The following FAHD2A variants were observed in gnomAD, a reference collection of about 807,000 sequenced individuals.
FAHD2A encodes fumarylacetoacetate hydrolase domain containing 2A, also known as oxaloacetate tautomerase FAHD2A, mitochondrial.
A neutral mutation model predicts 33.4 loss-of-function variants in FAHD2A; 27 were observed. That is an observed-to-expected ratio of 0.81 (90% CI 0.60 to 1.11). The LOEUF (loss-of-function observed/expected upper bound fraction) is 1.11, where lower values mean the gene tolerates loss of function less well. Ranked by LOEUF, FAHD2A falls within the 50% of genes most tolerant of loss-of-function variation. The pLI is 0.00. For missense variants in FAHD2A, 296 were observed against 395.0 expected (o/e 0.75, Z 2.12); for synonymous variants, 130 against 153.3 (o/e 0.85, Z 1.12).
Position 95,414,148 on chromosome 2 carries a change from C to T in FAHD2A, c.*1191C>T. 1 of 1,544,074 alleles carries T rather than the reference C, an allele frequency of 6.5e-7. No individual in the cohort carries two copies. Among genetic ancestry groups the T allele is most frequent in the South Asian group, 1.2e-5 (1 of 83,764 alleles). The stretch of plus-strand genomic sequence containing the variant: ...ACTGGACAGAAGACTACTCTGCAGC[C>T]CGCCTTCCTAGAGTTGGGTTGTCAC... On this transcript the variant is annotated 3_prime_UTR_variant, in exon 8 of 8. Coordinates refer to ENST00000233379, the MANE Select transcript of FAHD2A (RefSeq NM_016044.3).
At chr2:95,420,596 T>C (rs1683301266), downstream of FAHD2A, among the ~76,000 whole-genome samples, 1 of 151,378 alleles carries the variant, frequency 6.6e-6, no homozygotes, top group Admixed American at 6.6e-5. Context: ...ATAGAGGCAG[T>C]TGAGGAAATC....
chr2:95,412,925 G>T lies in FAHD2A; in HGVS notation c.913G>T (p.Glu305Ter). The T allele has an allele frequency of 6.2e-7, 1 of 1,614,220 alleles. No homozygotes were observed. Among genetic ancestry groups the T allele is most frequent in the Non-Finnish European group, 8.5e-7 (1 of 1,180,048 alleles). ...KGDEVQCEIE[E>*]LGVIINKVV ...GGATGAAGTCCAGTGTGAGATTGAA[G>T]AACTAGGTGTCATCATCAACAAGGT... Residue 305 changes from glutamate (E) to a stop codon, truncating the protein, a stop_gained, in exon 8 of 8, where the codon GAA becomes TAA. Coordinates refer to ENST00000233379, the MANE Select transcript of FAHD2A (RefSeq NM_016044.3). LOFTEE classifies it high-confidence loss of function.
At chr2:95,419,202 C>T (rs1016494789), downstream of FAHD2A, among the ~76,000 whole-genome samples, 2 of 152,016 alleles carry the variant, frequency 1.3e-5, no homozygotes, top group South Asian at 2.1e-4. Context: ...ATTTGTGGGA[C>T]TTAGTTATGG....
In FAHD2A at chr2:95,413,785, T is replaced by G. The variant is rs1682884555; in HGVS notation, c.*828T>G. On this transcript the variant is annotated 3_prime_UTR_variant, in exon 8 of 8. Transcript: ENST00000233379. ...CCAAGAGGCAGGAAACCATCCCACCTTCTCCAACCCATCACCACGTCTATT... is the reference window on the plus strand; with the variant it reads ...CCAAGAGGCAGGAAACCATCCCACCGTCTCCAACCCATCACCACGTCTATT... 2.8e-6 allele frequency: 2 copies of G among 702,196 alleles called. No homozygotes were observed. The highest frequency in any genetic ancestry group is 5.1e-5 in the East Asian group (2 of 38,888). 43.5% of individuals were successfully genotyped at this position (702,196 alleles called of 1,614,324 possible).
At chr2:95,403,284 T>C (rs1447873203) in intron 1 of FAHD2A, among the ~76,000 whole-genome samples, 3 of 152,190 alleles carry the variant, frequency 2.0e-5, no homozygotes, top group Admixed American at 6.5e-5. Flanking sequence ...TGAGTCTCAG[T>C]GTCCTCTTCT....
At position 95,413,098 on chromosome 2, in the gene FAHD2A, C is replaced by T. The variant is rs1682802011; in HGVS notation, c.*141C>T. On this transcript the variant is annotated 3_prime_UTR_variant, in exon 8 of 8. Coordinates refer to ENST00000233379, the MANE Select transcript of FAHD2A (RefSeq NM_016044.3). Reference sequence around the variant, plus strand: ...CTCGGTAGAAGGGAGAAGGACAGAGCTCTCTTCAATAAATTCGTCAGGTCA... The same window carrying T: ...CTCGGTAGAAGGGAGAAGGACAGAGTTCTCTTCAATAAATTCGTCAGGTCA... 2.4e-6 allele frequency: 3 copies of T among 1,238,618 alleles called. No individual in the cohort carries two copies. Among genetic ancestry groups the T allele is most frequent in the South Asian group, 1.5e-5 (1 of 68,646 alleles). 76.7% of individuals were successfully genotyped at this position (1,238,618 alleles called of 1,614,324 possible).
chr2:95,410,638 T>C, intron 4 of FAHD2A, 52 bp downstream of exon 4: 1 of 1,600,916 alleles, frequency 6.2e-7, no homozygotes, highest in Non-Finnish European at 8.5e-7. Flanking sequence ...AGGCCCCAGC[T>C]CCTGCCTCTC....
At chr2:95,406,075 C>G in intron 2 of FAHD2A, among the ~76,000 whole-genome samples, 1 of 150,332 alleles carries the variant, frequency 6.7e-6, no homozygotes, top group East Asian at 1.9e-4. Flanking sequence ...CTTCATCACA[C>G]TGCCTCCTCT....
rs1682780148 is a variant in FAHD2A, at chr2:95,412,945, C to T, written c.933C>T (p.Asn311=). The T allele has an allele frequency of 1.2e-6, 2 of 1,614,002 alleles. No individual in the cohort carries two copies. Among genetic ancestry groups the T allele is most frequent in the Non-Finnish European group, 1.7e-6 (2 of 1,180,022 alleles). Residue 311 remains asparagine (N), a synonymous_variant, in exon 8 of 8, where the codon AAC becomes AAT. Coordinates refer to ENST00000233379, the MANE Select transcript of FAHD2A (RefSeq NM_016044.3). ...TTGAAGAACTAGGTGTCATCATCAACAAGGTGGTGTGATGGCTCCTGCACA... is the reference window on the plus strand; with the variant it reads ...TTGAAGAACTAGGTGTCATCATCAATAAGGTGGTGTGATGGCTCCTGCACA... ...CEIEELGVII[N]KVV
At chr2:95,412,358 A>C (rs1573580347) in intron 5 of FAHD2A, 76 bp from the exon 6 acceptor site, 4 of 1,571,622 alleles carry the variant, frequency 2.5e-6, no homozygotes, top group Non-Finnish European at 3.5e-6. Context: ...AAGCACCCCT[A>C]CAGTTGTGTT....
At chr2:95,417,580 G>T (rs1415466263), downstream of FAHD2A, among the ~76,000 whole-genome samples, 1 of 152,186 alleles carries the variant, frequency 6.6e-6, no homozygotes, top group African/African-American at 2.4e-5. Context: ...CTACCTAATT[G>T]TCAAGTCAGT....
chr2:95,415,459 G>A lies in FAHD2A; in HGVS notation c.*2502G>A, dbSNP rs1683062131. Reference sequence around the variant, plus strand: ...AAAAGCAATACTTGCATTCTCATTAGTAGGAACATGTGAGATGAAGCATGT... The same window carrying A: ...AAAAGCAATACTTGCATTCTCATTAATAGGAACATGTGAGATGAAGCATGT... On this transcript the variant is annotated 3_prime_UTR_variant, in exon 8 of 8. Coordinates refer to ENST00000233379, the MANE Select transcript of FAHD2A (RefSeq NM_016044.3). The A allele has an allele frequency of 6.6e-6, 1 of 152,320 alleles. No individual in the cohort carries two copies. The highest frequency in any genetic ancestry group is 1.5e-5 in the Non-Finnish European group (1 of 68,014). 9.4% of individuals were successfully genotyped at this position (152,320 alleles called of 1,614,324 possible).
In FAHD2A at chr2:95,411,148, C is replaced by T. The variant is rs546397810; in HGVS notation, c.685+122C>T. ...TCCCTGGCCGCCCTTTCACTGCTGACTCCATACAGGGCAAGTCTCTTATCC... is the reference window on the plus strand; with the variant it reads ...TCCCTGGCCGCCCTTTCACTGCTGATTCCATACAGGGCAAGTCTCTTATCC... On this transcript the variant is annotated intron_variant, in intron 5 of 7. Transcript: ENST00000233379. 2.0e-3 allele frequency: 2,863 copies of T among 1,465,794 alleles called. 14 individuals carry two copies. Among genetic ancestry groups the T allele is most frequent in the Non-Finnish European group, 2.0e-3 (2,218 of 1,087,464 alleles). 90.8% of individuals were successfully genotyped at this position (1,465,794 alleles called of 1,614,324 possible).
intron 2 of FAHD2A, among the ~76,000 whole-genome samples, chr2:95,406,352 G>GA (rs1207815651): frequency 3.4e-5 from 5 of 147,080 alleles, no homozygotes; most frequent in Non-Finnish European, 7.5e-5. Flanking sequence ...TATTAAAATG[G>GA]AAAAAAATAC....
downstream of FAHD2A, among the ~76,000 whole-genome samples, chr2:95,419,862 G>T (rs1683290644): frequency 6.6e-6 from 1 of 151,970 alleles, no homozygotes; most frequent in Non-Finnish European, 1.5e-5. Context: ...CACATTGAGA[G>T]ACAGATTTAT....
Position 95,416,307 on chromosome 2 carries a change from G to C in FAHD2A, c.*3350G>C, listed in dbSNP as rs915957922. The C allele has an allele frequency of 1.3e-5, 2 of 152,282 alleles. No individual in the cohort carries two copies. Among genetic ancestry groups the C allele is most frequent in the African/African-American group, 4.8e-5 (2 of 41,440 alleles). The allele number at this position is 152,282 out of a possible 1,614,324, so 9.4% of individuals were successfully genotyped here. A position where few individuals can be genotyped will look rare whatever the true frequency, so the allele number is the denominator to read the frequency against. ...AATGAGTCCATATGCAGTGAGTACCGTGTTGAGGGAGGACAAGGTCACCAA... is the reference window on the plus strand; with the variant it reads ...AATGAGTCCATATGCAGTGAGTACCCTGTTGAGGGAGGACAAGGTCACCAA... On this transcript the variant is annotated 3_prime_UTR_variant, in exon 8 of 8. Coordinates refer to ENST00000233379, the MANE Select transcript of FAHD2A (RefSeq NM_016044.3).
chr2:95,418,322 G>A (rs1372424680), downstream of FAHD2A, among the ~76,000 whole-genome samples: 1 of 151,908 alleles, frequency 6.6e-6, no homozygotes, highest in Non-Finnish European at 1.5e-5. Flanking sequence ...TATTGTTTTT[G>A]AGGCTGTTTG....
downstream of FAHD2A, among the ~76,000 whole-genome samples, chr2:95,417,242 A>G (rs930453212): frequency 1.3e-5 from 2 of 152,254 alleles, no homozygotes; most frequent in Non-Finnish European, 2.9e-5. Context: ...AGTTGACCTT[A>G]ATGCTGAATC....
chr2:95,411,341 A>T (rs1682469266), intron 5 of FAHD2A, among the ~76,000 whole-genome samples: 2 of 152,262 alleles, frequency 1.3e-5, no homozygotes, highest in South Asian at 4.1e-4. Context: ...GTTGAGCATC[A>T]TGGAGCATAG....
Sources: gnomAD v4.1 joint callset for allele counts (sites outside exome capture counted in the v4.1 genomes callset) on GRCh38, gnomAD v4.1.1 for gene constraint, MANE v1.5 for transcripts, NCBI Gene and HGNC (gene_info 2026-07-23, HGNC 2026-07-21) for gene names.